MTMR2: variants seen among roughly 807,000 people sequenced by gnomAD.
The protein encoded by MTMR2 is phosphatidylinositol-3,5-bisphosphate 3-phosphatase MTMR2.
Under a neutral mutation model 86.9 loss-of-function variants are expected in MTMR2, and 55 were observed. The ratio of observed to expected loss-of-function variants is 0.63; its 90% CI spans 0.51 to 0.79. The LOEUF (loss-of-function observed/expected upper bound fraction) is 0.79, where lower values mean the gene tolerates loss of function less well. Ranked by LOEUF, MTMR2 falls within the 30% of genes least tolerant of loss-of-function variation. The pLI is 0.00. For synonymous variants in MTMR2, 241 were observed against 266.8 expected, an observed-to-expected ratio of 0.90 and a Z score of 0.94; for missense variants, 659 against 772.3, an observed-to-expected ratio of 0.85 and a Z score of 1.74.
At chr11:95,891,846 G>A (rs2135557824) in intron 1 of MTMR2, among the ~76,000 whole-genome samples, 1 of 152,198 alleles carries the variant, frequency 6.6e-6, no homozygotes, top group South Asian at 2.1e-4. Flanking sequence ...GAAAGGGGGA[G>A]AGAGGGAGGG....
At chr11:95,886,027 A>T (rs1384822268) in intron 2 of MTMR2, among the ~76,000 whole-genome samples, 1 of 152,156 alleles carries the variant, frequency 6.6e-6, no homozygotes, top group Non-Finnish European at 1.5e-5. Flanking sequence ...ATACAGTCTG[A>T]CACAGTCATC....
At chr11:95,884,302 AT>A (rs1476492784) in intron 2 of MTMR2, among the ~76,000 whole-genome samples, 2 of 152,228 alleles carry the variant, frequency 1.3e-5, no homozygotes, top group African/African-American at 2.4e-5. Context: ...TTAGCAAAGC[AT>A]TTCTCAAAGA....
At chr11:95,920,109 G>T (rs1447514887) in intron 1 of MTMR2, among the ~76,000 whole-genome samples, 1 of 152,106 alleles carries the variant, frequency 6.6e-6, no homozygotes, top group Non-Finnish European at 1.5e-5. Context: ...TCAAGAATCA[G>T]AGCACACCCA....
intron 12 of MTMR2, among the ~76,000 whole-genome samples, chr11:95,838,545 T>C (rs757574479): frequency 7.9e-5 from 12 of 152,072 alleles, no homozygotes; most frequent in Admixed American, 2.6e-4. Flanking sequence ...ATAGTTGTTT[T>C]TCTTTTTTAA....
At chr11:95,903,908 A>G (rs1866162811) in intron 1 of MTMR2, among the ~76,000 whole-genome samples, 1 of 152,092 alleles carries the variant, frequency 6.6e-6, no homozygotes, top group Admixed American at 6.6e-5. Context: ...AGGTCAGGAG[A>G]TTGACACTAC....
chr11:95,849,089 C>T (rs1021279921), intron 9 of MTMR2, among the ~76,000 whole-genome samples: 6 of 152,194 alleles, frequency 3.9e-5, no homozygotes, highest in African/African-American at 1.4e-4. Context: ...GTACCTGCTG[C>T]TGTAGTTATG....
intron 1 of MTMR2, among the ~76,000 whole-genome samples, chr11:95,911,945 A>G (rs1866521490): frequency 6.6e-6 from 1 of 152,166 alleles, no homozygotes; most frequent in Non-Finnish European, 1.5e-5. Flanking sequence ...TATTTTTGCT[A>G]TCCAGATAGA....
intron 2 of MTMR2, among the ~76,000 whole-genome samples, chr11:95,875,572 C>T (rs903201010): frequency 3.9e-5 from 6 of 151,940 alleles, no homozygotes; most frequent in Non-Finnish European, 7.4e-5. Context: ...GTAGTTTGAT[C>T]GTCTGAAGCC....
At chr11:95,858,823 T>C (rs934437760) in intron 5 of MTMR2, among the ~76,000 whole-genome samples, 191 bp from the exon 6 acceptor site, 37 of 152,184 alleles carry the variant, frequency 2.4e-4, no homozygotes, top group African/African-American at 8.9e-4. Flanking sequence ...AAACACAAGG[T>C]ACTCTACTAT....
chr11:95,838,279 T>G (rs562850541), intron 12 of MTMR2, 72 bp from the exon 13 acceptor site: 1 of 841,912 alleles, frequency 1.2e-6, no homozygotes, highest in East Asian at 2.4e-5. Flanking sequence ...CATGGGTAGA[T>G]CCTTTTGAGG....
At chr11:95,845,815 T>C (rs952616107) in intron 10 of MTMR2, among the ~76,000 whole-genome samples, 1 of 142,664 alleles carries the variant, frequency 7.0e-6, no homozygotes, top group Non-Finnish European at 1.5e-5. Context: ...TTTTCTGAAG[T>C]CAATCTTGAG....
chr11:95,859,350 A>T lies in MTMR2; in HGVS notation c.469-718T>A, dbSNP rs373657759. Among the ~76,000 whole-genome samples the T allele has an allele frequency of 1.6e-4, 25 of 152,344 alleles. 1 individual carries two copies. The highest frequency in any genetic ancestry group is 5.5e-4 in the African/African-American group (23 of 41,582). On this transcript the variant is annotated intron_variant, in intron 5 of 14. Coordinates refer to ENST00000346299, the MANE Select transcript of MTMR2 (RefSeq NM_016156.6). ...TAAGCAGTTTTCTATGCTCAGACTG[A>T]ATGCAGTTATTCATGTTCCGGTTTA...
At chr11:95,893,963 T>A (rs893028845) in intron 1 of MTMR2, among the ~76,000 whole-genome samples, 10 of 152,194 alleles carry the variant, frequency 6.6e-5, no homozygotes, top group African/African-American at 2.4e-4. Flanking sequence ...AAATCTTCAT[T>A]GATTCCTCAC....
intron 1 of MTMR2, among the ~76,000 whole-genome samples, chr11:95,899,540 A>C (rs1002924763): frequency 2.0e-5 from 3 of 151,744 alleles, no homozygotes; most frequent in African/African-American, 7.3e-5. Flanking sequence ...TGATACAACA[A>C]TGTTATATAT....
chr11:95,918,613 A>G (rs1162289532), intron 1 of MTMR2, among the ~76,000 whole-genome samples: 1 of 152,198 alleles, frequency 6.6e-6, no homozygotes, highest in Non-Finnish European at 1.5e-5. Flanking sequence ...TTTTTAGTCT[A>G]ATATGTTCAA....
At chr11:95,919,376 G>A (rs1866828369) in intron 1 of MTMR2, among the ~76,000 whole-genome samples, 1 of 151,970 alleles carries the variant, frequency 6.6e-6, no homozygotes, top group Non-Finnish European at 1.5e-5. Context: ...CCCCCCCTTT[G>A]ATTTTTTTAA....
chr11:95,844,377 T>G (rs1490427792), intron 11 of MTMR2, among the ~76,000 whole-genome samples: 1 of 152,166 alleles, frequency 6.6e-6, no homozygotes, highest in African/African-American at 2.4e-5. Flanking sequence ...ACAACACGGT[T>G]AGAACTGCAC....
chr11:95,907,842 T>C, intron 1 of MTMR2: 1 of 435,520 alleles, frequency 2.3e-6, no homozygotes, highest in South Asian at 1.7e-5. Flanking sequence ...TTCCACAAAC[T>C]AGGCATTGAA....
intron 1 of MTMR2, among the ~76,000 whole-genome samples, chr11:95,905,006 T>C (rs1226219636): frequency 6.6e-6 from 1 of 152,162 alleles, no homozygotes. Context: ...AACCTGTTAA[T>C]ACTTCCTCCT....
Sources: allele counts gnomAD v4.1 joint callset (sites outside exome capture counted in the v4.1 genomes callset), GRCh38; gene constraint gnomAD v4.1.1; transcripts MANE v1.5; gene names NCBI Gene and HGNC (gene_info 2026-07-23, HGNC 2026-07-21).